Variants in ALDH3A2 observed in about 807,000 individuals in gnomAD.
The protein encoded by ALDH3A2 is aldehyde dehydrogenase 3 family member A2.
Under a neutral mutation model 51.3 loss-of-function variants are expected in ALDH3A2, and 36 were observed. The ratio of observed to expected loss-of-function variants is 0.70; its 90% CI spans 0.54 to 0.93. The LOEUF (loss-of-function observed/expected upper bound fraction) is 0.93, where lower values mean the gene tolerates loss of function less well. ALDH3A2 is among the 40% of genes least tolerant of loss of function. The pLI is 0.00. For synonymous variants in ALDH3A2, 199 were observed against 219.8 expected (o/e 0.91, Z 0.84); for missense variants, 552 against 603.1 (o/e 0.92, Z 0.89).
intron 3 of ALDH3A2, among the ~76,000 whole-genome samples, chr17:19,653,393 G>A (rs530791825): frequency 3.9e-5 from 6 of 152,268 alleles, no homozygotes; most frequent in African/African-American, 7.2e-5. Flanking sequence ...GAATGAAGCC[G>A]CGGACCCTTG....
chr17:19,673,595 G>A (rs948058452), intron 9 of ALDH3A2, among the ~76,000 whole-genome samples: 2 of 152,006 alleles, frequency 1.3e-5, no homozygotes, highest in South Asian at 4.2e-4. Flanking sequence ...GTACGTGACT[G>A]TAGTCCCAGC....
At chr17:19,658,742 T>C (rs2084929518) in intron 5 of ALDH3A2, among the ~76,000 whole-genome samples, 1 of 109,454 alleles carries the variant, frequency 9.1e-6, no homozygotes, top group African/African-American at 3.3e-5. Flanking sequence ...AGCAAGACTC[T>C]GTCTTTAAAA....
At chr17:19,662,003 A>T (rs1482484690) in intron 6 of ALDH3A2, 1 of 152,066 alleles carries the variant, frequency 6.6e-6, no homozygotes, top group Non-Finnish European at 1.5e-5. Context: ...AAAAACCCTG[A>T]TTCTTTGTAC....
chr17:19,656,187 A>G (rs1459595813), intron 3 of ALDH3A2, 179 bp from the exon 4 acceptor site: 2 of 676,108 alleles, frequency 3.0e-6, no homozygotes, highest in South Asian at 1.7e-5. Context: ...CCCAGATGCC[A>G]TCGGACTGTG....
Position 19,673,388 on chromosome 17 carries a change from T to G in ALDH3A2, c.1443+1432T>G, listed in dbSNP as rs1382772984. On this transcript the variant is annotated intron_variant, in intron 9 of 9. Coordinates refer to ENST00000176643, the MANE Select transcript of ALDH3A2 (RefSeq NM_000382.3). ...TTTTTGTTTTTGTTTTTATTTTTGTTTTTTTTTTGCTACAGTTGGAGGCTT... is the reference window on the plus strand; with the variant it reads ...TTTTTGTTTTTGTTTTTATTTTTGTGTTTTTTTTGCTACAGTTGGAGGCTT... The G allele has an allele frequency of 1.1e-5, 13 of 1,183,328 alleles. 1 individual carries two copies. Among genetic ancestry groups the G allele is most frequent in the East Asian group, 6.2e-5 (2 of 32,384 alleles). 73.3% of individuals were successfully genotyped at this position (1,183,328 alleles called of 1,614,324 possible).
Position 19,656,394 on chromosome 17 carries a change from T to G in ALDH3A2, c.500T>G (p.Val167Gly). ...QDLYIVINGG[V>G]EETTELLKQR... The stretch of plus-strand genomic sequence containing the variant: ...CTCTATATTGTTATTAATGGTGGTG[T>G]TGAGGAAACCACGGAGCTCCTGAAG... The change falls in exon 4 of 10, where the codon GTT becomes GGT. Residue 167 changes from valine to glycine, a missense_variant. Physicochemically the swap from Val to Gly is moderately radical, Grantham distance 109. Coordinates refer to ENST00000176643, the MANE Select transcript of ALDH3A2 (RefSeq NM_000382.3). 3.7e-6 allele frequency: 6 copies of G among 1,614,160 alleles called. No homozygotes were observed. Among genetic ancestry groups the G allele is most frequent in the Non-Finnish European group, 5.1e-6 (6 of 1,179,992 alleles).
Position 19,671,957 on chromosome 17 carries a change from G to A in ALDH3A2, c.1443+1G>A, listed in dbSNP as rs199548781. 6 of 1,613,512 alleles carry A rather than the reference G, an allele frequency of 3.7e-6. No homozygotes were observed. In the Admixed American group the frequency reaches 8.3e-5, roughly 22 times the overall value. On this transcript the variant is annotated splice_donor_variant, in intron 9 of 9. Coordinates refer to ENST00000176643, the MANE Select transcript of ALDH3A2 (RefSeq NM_000382.3). LOFTEE classifies it high-confidence loss of function. The stretch of plus-strand genomic sequence containing the variant: ...TATTGTAGCCGCTGTGCTTGTCAAG[G>A]TGAGTCCCTATAACCCATGAGTGCC...
At chr17:19,660,991 T>C in intron 5 of ALDH3A2, 136 bp from the exon 6 acceptor site, 1 of 867,936 alleles carries the variant, frequency 1.2e-6, no homozygotes. Context: ...TACTGTTAAA[T>C]TACTTGAGGG....
At position 19,677,201 on chromosome 17, in the gene ALDH3A2, T is replaced by TGA. The variant is rs1298673570; in HGVS notation, c.*1634_*1635dup. 2.0e-5 allele frequency: 3 copies of TGA among 152,210 alleles called. No homozygotes were observed. Among genetic ancestry groups the TGA allele is most frequent in the Admixed American group, 1.3e-4 (2 of 15,282 alleles). The allele number at this position is 152,210 out of a possible 1,614,324, so 9.4% of individuals were successfully genotyped here. ...ACTCAAAAAGACTCAGCTCACTCAA[T>TGA]GAGAGAATGTGATTTACTTTATAGA... On this transcript the variant is annotated 3_prime_UTR_variant, in exon 10 of 10. Coordinates refer to ENST00000176643, the MANE Select transcript of ALDH3A2 (RefSeq NM_000382.3).
chr17:19,669,524 G>T (rs1397896237), intron 8 of ALDH3A2, among the ~76,000 whole-genome samples: 1 of 151,916 alleles, frequency 6.6e-6, no homozygotes, highest in African/African-American at 2.4e-5. Context: ...TTTTTTCCGT[G>T]GGCCAGTACC....
rs531752541 is a variant in ALDH3A2, at chr17:19,671,405, G to A, written c.1208-316G>A. 4.6e-5 allele frequency among the ~76,000 whole-genome samples: 7 copies of A among 152,348 alleles called. No homozygotes were observed. The South Asian group carries it at 1.2e-3, about 27-fold the overall frequency. Reference sequence around the variant, plus strand: ...AATGAGGCTGCTGATAATTCACCAAGTGGGATTGTGGTGAGAATTATCTTA... The same window carrying A: ...AATGAGGCTGCTGATAATTCACCAAATGGGATTGTGGTGAGAATTATCTTA... On this transcript the variant is annotated intron_variant, in intron 8 of 9. Coordinates refer to ENST00000176643, the MANE Select transcript of ALDH3A2 (RefSeq NM_000382.3).
At chr17:19,670,962 G>A (rs1376321348) in intron 8 of ALDH3A2, among the ~76,000 whole-genome samples, 1 of 152,108 alleles carries the variant, frequency 6.6e-6, no homozygotes, top group Non-Finnish European at 1.5e-5. Flanking sequence ...ATTCCTTCCT[G>A]CAGCCTGGCC....
Position 19,654,614 on chromosome 17 carries a change from G to A in ALDH3A2, c.472-1752G>A, listed in dbSNP as rs2084869028. On this transcript the variant is annotated intron_variant, in intron 3 of 9. Transcript: ENST00000176643. This position sits in a 1 kb window ranked among gnomAD's most constrained non-coding sequence, Gnocchi z 4.5. ...GGCGCCGGCCAGCTGCTCCGAGTGT[G>A]GGGCCCATTGAGCCTGCGCCCACCC... Among the ~76,000 whole-genome samples the A allele has an allele frequency of 6.6e-6, 1 of 152,130 alleles. No homozygotes were observed. Among genetic ancestry groups the A allele is most frequent in the African/African-American group, 2.4e-5 (1 of 41,438 alleles).
At chr17:19,659,898 A>G (rs970677620) in intron 5 of ALDH3A2, among the ~76,000 whole-genome samples, 1 of 151,994 alleles carries the variant, frequency 6.6e-6, no homozygotes, top group African/African-American at 2.4e-5. Flanking sequence ...ACAATAGTTC[A>G]CTATGTGTTC....
intron 2 of ALDH3A2, 51 bp downstream of exon 2, chr17:19,651,829 CAT>C (rs747015109): frequency 6.6e-7 from 1 of 1,512,924 alleles, no homozygotes; most frequent in South Asian, 1.1e-5. Context: ...CTTATTTTCT[CAT>C]ATTAATTGGA....
At chr17:19,651,471 G>GT in intron 1 of ALDH3A2, 76 bp from the exon 2 acceptor site, 1 of 1,187,612 alleles carries the variant, frequency 8.4e-7, no homozygotes, top group South Asian at 1.2e-5. Flanking sequence ...GGTGTACCTG[G>GT]TGTGAGTGTT....
intron 8 of ALDH3A2, among the ~76,000 whole-genome samples, chr17:19,670,681 G>A (rs2085101078): frequency 6.6e-6 from 1 of 151,740 alleles, no homozygotes; most frequent in South Asian, 2.1e-4. Context: ...TCCTACCTCA[G>A]CCTCCCAGGT....
intron 6 of ALDH3A2, among the ~76,000 whole-genome samples, chr17:19,662,936 C>T (rs147498162): frequency 0.013 from 1,997 of 151,948 alleles, 59 homozygotes; most frequent in African/African-American, 0.045. Flanking sequence ...ACTCCAGAGG[C>T]GGAGGTTGCA....
intron 8 of ALDH3A2, among the ~76,000 whole-genome samples, chr17:19,667,546 A>C (rs1340995968): frequency 6.6e-6 from 1 of 152,068 alleles, no homozygotes; most frequent in Non-Finnish European, 1.5e-5. Context: ...TTTGGCATAT[A>C]GTTTAGATTT....
Sources: allele counts gnomAD v4.1 joint callset (sites outside exome capture counted in the v4.1 genomes callset), GRCh38; gene constraint gnomAD v4.1.1; non-coding constraint Gnocchi (gnomAD v3.1); transcripts MANE v1.5; gene names NCBI Gene and HGNC (gene_info 2026-07-23, HGNC 2026-07-21).